PRUNE2: variants seen among roughly 807,000 people sequenced by gnomAD.
PRUNE2 encodes prune homolog 2 with BCH domain, also known as protein prune homolog 2.
Under a neutral mutation model 252.0 loss-of-function variants are expected in PRUNE2, and 164 were observed. That is an observed-to-expected ratio of 0.65 (90% CI 0.57 to 0.74). The LOEUF (loss-of-function observed/expected upper bound fraction) is 0.74, where lower values mean the gene tolerates loss of function less well. Ranked by LOEUF, PRUNE2 falls within the 30% of genes least tolerant of loss-of-function variation. The pLI is 0.00. For missense variants in PRUNE2, 3,495 were observed against 3,711.0 expected (o/e 0.94, Z 1.51); for synonymous variants, 1,292 against 1,350.2 (o/e 0.96, Z 0.94).
chr9:76,625,827 T>C (rs1303726620), intron 16 of PRUNE2, among the ~76,000 whole-genome samples: 2 of 152,154 alleles, frequency 1.3e-5, no homozygotes, highest in Non-Finnish European at 2.9e-5. Flanking sequence ...TGCCTTTTTT[T>C]CCGCTCATTT....
At chr9:76,879,901 ATATTT>A (rs2061675862) in intron 1 of PRUNE2, among the ~76,000 whole-genome samples, 1 of 60,330 alleles carries the variant, frequency 1.7e-5, no homozygotes, top group African/African-American at 1.1e-4. Context: ...ATATATATAT[ATATTT>A]TTTTTTTTTT....
chr9:76,822,313 C>T (rs2058079338), intron 6 of PRUNE2, among the ~76,000 whole-genome samples: 1 of 152,186 alleles, frequency 6.6e-6, no homozygotes, highest in South Asian at 2.1e-4. Flanking sequence ...TGCCACCAAA[C>T]ATCACAGTTT....
At chr9:76,900,229 G>A (rs1045554804) in intron 1 of PRUNE2, among the ~76,000 whole-genome samples, 6 of 152,186 alleles carry the variant, frequency 3.9e-5, no homozygotes, top group Non-Finnish European at 8.8e-5. Context: ...TAAGGGCTAT[G>A]AATACATCAT....
chr9:76,671,449 G>C (rs1330014474), intron 9 of PRUNE2, among the ~76,000 whole-genome samples: 2 of 151,072 alleles, frequency 1.3e-5, no homozygotes, highest in East Asian at 3.9e-4. Flanking sequence ...AAAGTGATGG[G>C]GAGAATGGAA....
At chr9:76,779,909 A>C in intron 6 of PRUNE2, 1 of 152,252 alleles carries the variant, frequency 6.6e-6, no homozygotes, top group African/African-American at 2.4e-5. Context: ...TTTTTCACAA[A>C]GAAATCGCAT....
chr9:76,840,431 C>T (rs1229809476), intron 4 of PRUNE2, among the ~76,000 whole-genome samples: 1 of 152,102 alleles, frequency 6.6e-6, no homozygotes, highest in South Asian at 2.1e-4. Flanking sequence ...AGGATACAGC[C>T]ACGGGGATGA....
intron 9 of PRUNE2, among the ~76,000 whole-genome samples, chr9:76,686,812 G>C (rs1739520529): frequency 1.3e-5 from 2 of 152,064 alleles, no homozygotes; most frequent in African/African-American, 4.8e-5. Context: ...TGCCTAGGCT[G>C]GTCTCAAACT....
chr9:76,867,870 C>T (rs974709978), intron 1 of PRUNE2, among the ~76,000 whole-genome samples: 6 of 152,096 alleles, frequency 3.9e-5, no homozygotes, highest in Non-Finnish European at 8.8e-5. Flanking sequence ...TGCGCCCGGC[C>T]GGTTTTGCTT....
Position 76,707,831 on chromosome 9 carries a change from T to G in PRUNE2, c.4443A>C (p.Pro1481=), listed in dbSNP as rs2046419739. 1 of 1,613,470 alleles carries G rather than the reference T, an allele frequency of 6.2e-7. No homozygotes were observed. The highest frequency in any genetic ancestry group is 1.3e-5 in the African/African-American group (1 of 74,894). ...FLEPENVGGG[P]PHRVPRSLDF... ...CAAGACTTCGGGGAACTCTGTGAGGTGGCCCTCCACCCACGTTCTCTGGCT... is the reference window on the plus strand; with the variant it reads ...CAAGACTTCGGGGAACTCTGTGAGGGGGCCCTCCACCCACGTTCTCTGGCT... The change falls in exon 8 of 19, where the codon CCA becomes CCC. Residue 1481 remains proline (P), a synonymous_variant. Coordinates refer to ENST00000376718, the MANE Select transcript of PRUNE2 (RefSeq NM_015225.3).
chr9:76,799,212 A>T (rs558584036), intron 6 of PRUNE2, among the ~76,000 whole-genome samples: 1 of 152,204 alleles, frequency 6.6e-6, no homozygotes, highest in African/African-American at 2.4e-5. Flanking sequence ...GTGGTGGCAC[A>T]TGCCTGTAAT....
chr9:76,717,871 C>T (rs1297505186), intron 6 of PRUNE2, among the ~76,000 whole-genome samples: 9 of 152,088 alleles, frequency 5.9e-5, no homozygotes, highest in Admixed American at 5.9e-4. Flanking sequence ...TCCGAAGGGT[C>T]GATGACTAAA....
At chr9:76,881,309 C>T (rs147325934) in intron 1 of PRUNE2, among the ~76,000 whole-genome samples, 37 of 152,096 alleles carry the variant, frequency 2.4e-4, no homozygotes, top group African/African-American at 8.0e-4. Flanking sequence ...AAGACCAAAA[C>T]GTTTGAGAAG....
chr9:76,646,380 T>TTAGA (rs749568646), intron 11 of PRUNE2, among the ~76,000 whole-genome samples: 24 of 152,332 alleles, frequency 1.6e-4, no homozygotes, highest in Admixed American at 9.8e-4. Flanking sequence ...TACCAGTGAC[T>TTAGA]TAGATAGCAA....
intron 9 of PRUNE2, among the ~76,000 whole-genome samples, chr9:76,678,948 A>G (rs1314075186): frequency 1.3e-5 from 2 of 152,262 alleles, no homozygotes; most frequent in African/African-American, 4.8e-5. Context: ...CTAGGACTGC[A>G]TCTAACAAGA....
At chr9:76,640,973 T>C (rs1231477003) in intron 12 of PRUNE2, among the ~76,000 whole-genome samples, 5 of 152,220 alleles carry the variant, frequency 3.3e-5, no homozygotes, top group Admixed American at 1.3e-4. Flanking sequence ...TTCCATGAAC[T>C]TCTAAGAAAT....
At chr9:76,809,103 T>C (rs1353052556) in intron 6 of PRUNE2, among the ~76,000 whole-genome samples, 1 of 152,188 alleles carries the variant, frequency 6.6e-6, no homozygotes, top group Non-Finnish European at 1.5e-5. Flanking sequence ...GGCCAACTTC[T>C]GCATGTCCTT....
At chr9:76,895,354 T>G (rs2062754505) in intron 1 of PRUNE2, among the ~76,000 whole-genome samples, 1 of 152,068 alleles carries the variant, frequency 6.6e-6, no homozygotes, top group South Asian at 2.1e-4. Context: ...TATTTATGCC[T>G]CCCCACATCA....
intron 6 of PRUNE2, among the ~76,000 whole-genome samples, chr9:76,798,950 T>C (rs955633476): frequency 5.3e-5 from 8 of 152,216 alleles, no homozygotes; most frequent in African/African-American, 1.7e-4. Flanking sequence ...TGCCTACTGA[T>C]AACTTTGGAA....
chr9:76,872,382 C>T (rs1225613857), intron 1 of PRUNE2, among the ~76,000 whole-genome samples: 2 of 152,058 alleles, frequency 1.3e-5, no homozygotes, highest in Non-Finnish European at 1.5e-5. Flanking sequence ...CAATTACTTA[C>T]GCATTACAAG....
Sources: gnomAD v4.1 joint callset for allele counts (sites outside exome capture counted in the v4.1 genomes callset) on GRCh38, gnomAD v4.1.1 for gene constraint, MANE v1.5 for transcripts, NCBI Gene and HGNC (gene_info 2026-07-23, HGNC 2026-07-21) for gene names.